Variants in GRM1 observed in about 807,000 individuals in gnomAD.
GRM1 encodes the protein metabotropic glutamate receptor 1.
Under a neutral mutation model 90.9 loss-of-function variants are expected in GRM1, and 33 were observed. That is an observed-to-expected ratio of 0.36 (90% CI 0.28 to 0.49). The LOEUF is 0.49. Among genes scored for constraint, GRM1 ranks in the 20% least tolerant of loss-of-function variants. GRM1 has a pLI of 0.99. For synonymous variants in GRM1, 700 were observed against 613.2 expected (o/e 1.14, Z -2.09); for missense variants, 1,190 against 1,534.3 (o/e 0.78, Z 3.75).
chr6:146,434,494 G>A lies in GRM1; in HGVS notation c.3283G>A (p.Asp1095Asn). The change falls in exon 8 of 8, where the codon GAC becomes AAC. Residue 1095 changes from aspartate (D) to asparagine (N), a missense_variant. Physicochemically the swap from Asp to Asn is conservative, Grantham distance 23. Coordinates refer to ENST00000282753, the MANE Select transcript of GRM1 (RefSeq NM_001278064.2). ...FGEELVSPPA[D>N]DDDDSERFKL... ...GGAGGAGCTGGTCTCCCCGCCCGCG[G>A]ACGACGACGACGACAGCGAGAGGTT... 6.2e-7 allele frequency: 1 copy of A among 1,613,210 alleles called. No homozygotes were observed. The highest frequency in any genetic ancestry group is 8.5e-7 in the Non-Finnish European group (1 of 1,179,344).
chr6:146,278,912 A>T (rs986835587), intron 2 of GRM1, among the ~76,000 whole-genome samples: 6 of 152,280 alleles, frequency 3.9e-5, no homozygotes, highest in Middle Eastern at 3.4e-3. Context: ...TCACCGTGTT[A>T]GTCAGGATGG....
intron 1 of GRM1, among the ~76,000 whole-genome samples, chr6:146,119,450 T>C (rs1775895547): frequency 6.6e-6 from 1 of 152,238 alleles, no homozygotes; most frequent in Non-Finnish European, 1.5e-5. Context: ...TTTAATTAGA[T>C]CCCATTTGTC....
chr6:146,135,361 G>A (rs1043868399), intron 1 of GRM1, among the ~76,000 whole-genome samples: 7 of 152,222 alleles, frequency 4.6e-5, no homozygotes, highest in African/African-American at 1.7e-4. Flanking sequence ...TATTGGCAAA[G>A]CCATTGGAAA....
chr6:146,168,465 TAA>T (rs1438363840), intron 2 of GRM1, among the ~76,000 whole-genome samples: 1 of 152,032 alleles, frequency 6.6e-6, no homozygotes, highest in Non-Finnish European at 1.5e-5. Flanking sequence ...TATTTTTGCT[TAA>T]ATAGTGAATT....
rs1045545572 is a variant in GRM1 at position 146,158,404 on chromosome 6, T to A, written c.701-944T>A. 2.6e-5 allele frequency among the ~76,000 whole-genome samples: 4 copies of A among 151,736 alleles called. No individual in the cohort carries two copies. The South Asian group carries it at 6.3e-4, about 24-fold the overall frequency. ...TATGAGTTTGTATGATAAGATGAGG[T>A]AGCAGAGATGGATGTTTGACATCCA... On this transcript the variant is annotated intron_variant, in intron 1 of 7. Coordinates refer to ENST00000282753, the MANE Select transcript of GRM1 (RefSeq NM_001278064.2).
chr6:146,291,625 G>A (rs919650181), intron 2 of GRM1, among the ~76,000 whole-genome samples: 1 of 151,780 alleles, frequency 6.6e-6, no homozygotes, highest in Non-Finnish European at 1.5e-5. Flanking sequence ...ACAAAAGATT[G>A]CTAAAAAAAT....
At chr6:146,043,794 T>TATATATATATATATAG (rs1554260515) in intron 1 of GRM1, among the ~76,000 whole-genome samples, 1,783 of 136,802 alleles carry the variant, frequency 0.013, 56 homozygotes, top group Middle Eastern at 0.023. Context: ...TATATATATA[T>TATATATATATATATAG]ATATATATAT....
rs546882449 is a variant in GRM1 at position 146,204,352 on chromosome 6, G to A, written c.950+44755G>A. Among the ~76,000 whole-genome samples, 12 of 152,280 alleles carry A rather than the reference G, an allele frequency of 7.9e-5. No homozygotes were observed. The South Asian group carries it at 2.3e-3, about 29-fold the overall frequency. ...CTAATTTCCTGAACGTTTACGGTTAGCAAAGAAAGTACACATAAGCACAGA... is the reference window on the plus strand; with the variant it reads ...CTAATTTCCTGAACGTTTACGGTTAACAAAGAAAGTACACATAAGCACAGA... On this transcript the variant is annotated intron_variant, in intron 2 of 7. Coordinates refer to ENST00000282753, the MANE Select transcript of GRM1 (RefSeq NM_001278064.2).
chr6:146,327,332 T>C (rs1784429044), intron 3 of GRM1, among the ~76,000 whole-genome samples: 1 of 152,156 alleles, frequency 6.6e-6, no homozygotes, highest in Admixed American at 6.5e-5. Context: ...AAATAGGTGT[T>C]ATGAAATTAT....
At chr6:146,188,427 T>C (rs1778816069) in intron 2 of GRM1, among the ~76,000 whole-genome samples, 1 of 152,214 alleles carries the variant, frequency 6.6e-6, no homozygotes, top group African/African-American at 2.4e-5. Context: ...ATGGCAATTC[T>C]CTATTGCTAC....
chr6:146,106,455 C>G (rs1775302087), intron 1 of GRM1, among the ~76,000 whole-genome samples: 1 of 152,152 alleles, frequency 6.6e-6, no homozygotes, highest in Non-Finnish European at 1.5e-5. Flanking sequence ...CAAACTGCGG[C>G]CTTCAGAGTT....
intron 1 of GRM1, among the ~76,000 whole-genome samples, chr6:146,095,193 C>T (rs111878023): frequency 0.018 from 2,726 of 152,216 alleles, 38 homozygotes; most frequent in Non-Finnish European, 0.028. Context: ...AGACAACCGA[C>T]ATGTGATTCT....
chr6:146,052,532 G>A (rs1775332108), intron 1 of GRM1, among the ~76,000 whole-genome samples: 1 of 151,896 alleles, frequency 6.6e-6, no homozygotes, highest in Non-Finnish European at 1.5e-5. Context: ...AATGTATAGG[G>A]TGAGTCTGCC....
chr6:146,185,612 C>T (rs1778705341), intron 2 of GRM1, among the ~76,000 whole-genome samples: 1 of 152,148 alleles, frequency 6.6e-6, no homozygotes, highest in African/African-American at 2.4e-5. Flanking sequence ...AATTTAAACC[C>T]AGATTAGTGA....
At position 146,159,434 on chromosome 6, in the gene GRM1, A is replaced by G; in HGVS notation, c.787A>G (p.Ser263Gly). The G allele has an allele frequency of 6.2e-7, 1 of 1,614,204 alleles. No individual in the cohort carries two copies. The highest frequency in any genetic ancestry group is 8.5e-7 in the Non-Finnish European group (1 of 1,180,024). Residue 263 changes from serine (S) to glycine (G), a missense_variant, in exon 2 of 8, where the codon AGC (serine) becomes GGC (glycine). By Grantham distance (56) the Ser-to-Gly change is moderately conservative (BLOSUM62 0). Coordinates refer to ENST00000282753, the MANE Select transcript of GRM1 (RefSeq NM_001278064.2). Reference sequence around the variant, plus strand: ...TATCGCCCATTCTGACAAAATCTACAGCAACGCTGGGGAGAAGAGCTTTGA... The same window carrying G: ...TATCGCCCATTCTGACAAAATCTACGGCAACGCTGGGGAGAAGAGCTTTGA... ...LCIAHSDKIYSNAGEKSFDRL... is the reference protein window; with the variant it reads ...LCIAHSDKIYGNAGEKSFDRL...
chr6:146,324,196 G>T (rs1784314808), intron 3 of GRM1, among the ~76,000 whole-genome samples: 2 of 152,134 alleles, frequency 1.3e-5, no homozygotes, highest in Non-Finnish European at 2.9e-5. Flanking sequence ...TACACTGGGA[G>T]GGGAAAACCA....
At chr6:146,351,480 C>T (rs1785409593) in intron 3 of GRM1, among the ~76,000 whole-genome samples, 1 of 152,140 alleles carries the variant, frequency 6.6e-6, no homozygotes, top group South Asian at 2.1e-4. Flanking sequence ...TCTAGGCTTC[C>T]AATATGGAGC....
At chr6:146,172,204 C>T (rs1302513520) in intron 2 of GRM1, among the ~76,000 whole-genome samples, 1 of 152,174 alleles carries the variant, frequency 6.6e-6, no homozygotes, top group African/African-American at 2.4e-5. Flanking sequence ...TTGTAGAACT[C>T]TGCCTACATT....
intron 6 of GRM1, among the ~76,000 whole-genome samples, chr6:146,392,423 C>T (rs1262037783): frequency 6.6e-6 from 1 of 152,218 alleles, no homozygotes; most frequent in Non-Finnish European, 1.5e-5. Context: ...AAAATTGTTA[C>T]ATGAGTGTCT....
Sources: allele counts gnomAD v4.1 joint callset (sites outside exome capture counted in the v4.1 genomes callset), GRCh38; gene constraint gnomAD v4.1.1; transcripts MANE v1.5; gene names NCBI Gene and HGNC (gene_info 2026-07-23, HGNC 2026-07-21).